ARHGEF11: variants seen among roughly 807,000 people sequenced by gnomAD.
The protein encoded by ARHGEF11 is Rho guanine nucleotide exchange factor 11.
ARHGEF11 carries 55 observed loss-of-function variants against 193.7 expected under a neutral mutation model. The ratio of observed to expected loss-of-function variants is 0.28; its 90% CI spans 0.23 to 0.36. ARHGEF11 has a LOEUF of 0.36. ARHGEF11 is among the 10% of genes least tolerant of loss of function. The probability of loss-of-function intolerance (pLI) is 1.00; values close to 1 mark genes in which losing one functional copy is unlikely to be tolerated. For missense variants in ARHGEF11, 1,723 were observed against 2,005.6 expected, an observed-to-expected ratio of 0.86 and a Z score of 2.69; for synonymous variants, 693 against 768.0, an observed-to-expected ratio of 0.90 and a Z score of 1.62.
chr1:156,999,592 C>T (rs971264530), intron 1 of ARHGEF11, among the ~76,000 whole-genome samples: 1 of 152,178 alleles, frequency 6.6e-6, no homozygotes, highest in Non-Finnish European at 1.5e-5. Context: ...AAACAACAGA[C>T]ACCATCACCA....
intron 1 of ARHGEF11, among the ~76,000 whole-genome samples, chr1:157,003,539 A>G (rs1006551259): frequency 6.6e-6 from 1 of 152,234 alleles, no homozygotes; most frequent in Non-Finnish European, 1.5e-5. Flanking sequence ...AACTATGAAA[A>G]TATGTTTCAT....
chr1:157,024,741 A>C (rs1296757202), intron 1 of ARHGEF11, among the ~76,000 whole-genome samples: 1 of 152,130 alleles, frequency 6.6e-6, no homozygotes, highest in Admixed American at 6.5e-5. Context: ...GGCAAAAAAA[A>C]AAAACAGAAA....
At position 156,984,381 on chromosome 1, in the gene ARHGEF11, C is replaced by T; in HGVS notation, c.181G>A (p.Val61Ile). 3.1e-6 allele frequency: 5 copies of T among 1,599,362 alleles called. No individual in the cohort carries two copies. Among genetic ancestry groups the T allele is most frequent in the Non-Finnish European group, 4.3e-6 (5 of 1,172,942 alleles). The change falls in exon 3 of 41, where the codon GTC (valine) becomes ATC (isoleucine). Residue 61 changes from valine (V) to isoleucine (I), a missense_variant. Physicochemically the swap from Val to Ile is conservative, Grantham distance 29 (BLOSUM62 3). This residue lies in a region of ARHGEF11 where 646 missense variants were observed against 710.7 expected (regional missense o/e 0.91). Coordinates refer to ENST00000368194, the MANE Select transcript of ARHGEF11 (RefSeq NM_198236.3). ...ACCAGAACAATGCGATCCCCACTGACTGTGAAGCCGAAGCCATGCTGGTCC... is the reference window on the plus strand; with the variant it reads ...ACCAGAACAATGCGATCCCCACTGATTGTGAAGCCGAAGCCATGCTGGTCC... ...QKDQHGFGFT[V>I]SGDRIVLVQS... is the part of the protein sequence containing the mutation.
chr1:156,961,881 C>T, intron 13 of ARHGEF11, 106 bp from the exon 14 acceptor site: 1 of 948,362 alleles, frequency 1.1e-6, no homozygotes, highest in Middle Eastern at 2.2e-4. Context: ...GTTGTTACAA[C>T]TACTGGGCAA....
In ARHGEF11 at chr1:156,951,743, G is replaced by A. The variant is rs778371353; in HGVS notation, c.1799-44C>T. ...TGAAGGACACTAGGCTTGCTGTTCA[G>A]GGATGGCTTCTCAGGCTTGGACTTC... On this transcript the variant is annotated intron_variant, in intron 21 of 40. Coordinates refer to ENST00000368194, the MANE Select transcript of ARHGEF11 (RefSeq NM_198236.3). 22 of 1,611,922 alleles carry A rather than the reference G, an allele frequency of 1.4e-5. No homozygotes were observed. The East Asian group carries it at 4.5e-4, about 33-fold the overall frequency.
At chr1:157,039,506 A>G (rs748271525) in intron 1 of ARHGEF11, among the ~76,000 whole-genome samples, 7 of 152,120 alleles carry the variant, frequency 4.6e-5, no homozygotes, top group Non-Finnish European at 8.8e-5. Flanking sequence ...ATGAAGTTAT[A>G]CTTTTTTCTT....
chr1:157,032,385 G>A (rs1211608667), intron 1 of ARHGEF11, among the ~76,000 whole-genome samples: 1 of 152,226 alleles, frequency 6.6e-6, no homozygotes, highest in African/African-American at 2.4e-5. Flanking sequence ...ATAAGGCAGT[G>A]GCTCTGGAAG....
rs889020742 is a variant in ARHGEF11, at chr1:156,938,343, G to A, written c.4192+75C>T. On this transcript the variant is annotated intron_variant, in intron 38 of 40. Transcript: ENST00000368194. Reference sequence around the variant, plus strand: ...GTGGGTGTGTGTGTGACCATGGGCAGGGGTCCGACTCTGCCCTCACAGGTT... The same window carrying A: ...GTGGGTGTGTGTGTGACCATGGGCAAGGGTCCGACTCTGCCCTCACAGGTT... The A allele has an allele frequency of 6.4e-6, 9 of 1,402,254 alleles. No individual in the cohort carries two copies. The African/African-American group carries it at 9.9e-5, about 15-fold the overall frequency. The allele number at this position is 1,402,254 out of a possible 1,614,324, so 86.9% of individuals were successfully genotyped here.
intron 1 of ARHGEF11, among the ~76,000 whole-genome samples, chr1:157,007,140 G>T (rs1667924294): frequency 6.6e-6 from 1 of 151,934 alleles, no homozygotes; most frequent in Non-Finnish European, 1.5e-5. Context: ...TGGAAAGGAG[G>T]AGAAAAAACA....
At chr1:157,035,138 C>T (rs879626249) in intron 1 of ARHGEF11, among the ~76,000 whole-genome samples, 2 of 152,134 alleles carry the variant, frequency 1.3e-5, no homozygotes, top group African/African-American at 2.4e-5. Context: ...GAAGGAAAGA[C>T]ATTGTGGGTT....
rs763866947 is a variant in ARHGEF11, at chr1:156,941,989, T to A, written c.3327A>T (p.Thr1109=). 11 of 1,614,028 alleles carry A rather than the reference T, an allele frequency of 6.8e-6. No homozygotes were observed. In the Admixed American group the frequency reaches 1.8e-4, roughly 27 times the overall value. Reference sequence around the variant, plus strand: ...CGGCCTCTTCTAAGAGCTCCATCCATCTGTTGCTCGGCAGGAACAGAGAGG... The same window carrying A: ...CGGCCTCTTCTAAGAGCTCCATCCAACTGTTGCTCGGCAGGAACAGAGAGG... The part of the protein sequence containing the change: ...LVALTSSDKN[T]WMELLEEAVR... The change falls in exon 34 of 41, where the codon ACA becomes ACT. Residue 1109 remains threonine, a splice_region_variant and synonymous_variant. Coordinates refer to ENST00000368194, the MANE Select transcript of ARHGEF11 (RefSeq NM_198236.3).
chr1:156,972,453 G>GT (rs1430830439), intron 7 of ARHGEF11, among the ~76,000 whole-genome samples: 14 of 152,262 alleles, frequency 9.2e-5, no homozygotes, highest in Non-Finnish European at 1.8e-4. Context: ...TGGGACGGGT[G>GT]TAATAGTGGA....
At position 157,008,523 on chromosome 1, in the gene ARHGEF11, C is replaced by T. The variant is rs146084266; in HGVS notation, c.33-22350G>A. ...AGAATGTGACCATGCTGGCACCTTG[C>T]TCTTAGATTTGTAGCCTCCAGAAAC... On this transcript the variant is annotated intron_variant, in intron 1 of 40. Coordinates refer to ENST00000368194, the MANE Select transcript of ARHGEF11 (RefSeq NM_198236.3). 3.9e-5 allele frequency among the ~76,000 whole-genome samples: 6 copies of T among 152,244 alleles called. No individual in the cohort carries two copies. In the East Asian group the frequency reaches 9.7e-4, roughly 25 times the overall value.
intron 22 of ARHGEF11, chr1:156,949,195 G>C (rs1400198101): frequency 1.3e-6 from 1 of 787,334 alleles, no homozygotes; most frequent in Non-Finnish European, 1.5e-6. Context: ...TTACTGATAG[G>C]CAGGACCCGC....
intron 31 of ARHGEF11, 112 bp from the exon 32 acceptor site, chr1:156,944,214 AC>A: frequency 7.0e-7 from 1 of 1,433,610 alleles, no homozygotes; most frequent in Non-Finnish European, 9.6e-7. Flanking sequence ...GAGTCTGGTG[AC>A]CCCATTTCTC....
At chr1:156,994,567 A>T (rs1049063719) in intron 1 of ARHGEF11, among the ~76,000 whole-genome samples, 1 of 152,086 alleles carries the variant, frequency 6.6e-6, no homozygotes, top group Non-Finnish European at 1.5e-5. Flanking sequence ...AGACAAAAAG[A>T]GATTTTAGGA....
At chr1:157,007,927 T>G (rs894459796) in intron 1 of ARHGEF11, among the ~76,000 whole-genome samples, 1 of 89,150 alleles carries the variant, frequency 1.1e-5, no homozygotes, top group Non-Finnish European at 2.5e-5. Context: ...TTTTTTTTTT[T>G]GTCTCTTTTG....
In ARHGEF11 at chr1:156,937,471, T is replaced by C; in HGVS notation, c.4218A>G (p.Pro1406=). The C allele has an allele frequency of 6.5e-7, 1 of 1,532,090 alleles. No homozygotes were observed. Among genetic ancestry groups the C allele is most frequent in the African/African-American group, 1.4e-5 (1 of 71,992 alleles). 94.9% of individuals were successfully genotyped at this position (1,532,090 alleles called of 1,614,324 possible). A position where few individuals can be genotyped will look rare whatever the true frequency, so the allele number is the denominator to read the frequency against. ...CGGTGCTTGAGTCCGGGGGTCCTGA[T>C]GGCATGCTGACATAAAAGCAGTTCC... The part of the protein sequence containing the change: ...ATGNCFYVSM[P]SGPPDSSTDH... The change falls in exon 39 of 41, where the codon CCA becomes CCG. Residue 1406 remains proline (P), a synonymous_variant. Transcript: ENST00000368194.
In ARHGEF11 at chr1:156,948,480, G is replaced by A. The variant is rs202161798; in HGVS notation, c.1944C>T (p.Arg648=). The A allele has an allele frequency of 1.2e-6, 2 of 1,614,214 alleles. No homozygotes were observed. Among genetic ancestry groups the A allele is most frequent in the East Asian group, 2.2e-5 (1 of 44,878 alleles). The change falls in exon 23 of 41, where the codon CGC becomes CGT. Residue 648 remains arginine, a synonymous_variant. Transcript: ENST00000368194. The surrounding 1 kb of genome is among the most constrained non-coding windows in gnomAD (Gnocchi z 4.2). Reference sequence around the variant, plus strand: ...CCTTGAGGCTTTCAGAGCGGCCCAGGCGAATCTCTGAGCGTGAACTGGGGG... The same window carrying A: ...CCTTGAGGCTTTCAGAGCGGCCCAGACGAATCTCTGAGCGTGAACTGGGGG... The part of the protein sequence containing the change: ...LESDSSRSEI[R]LGRSESLKGR...
Sources: allele counts gnomAD v4.1 joint callset (sites outside exome capture counted in the v4.1 genomes callset), GRCh38; gene constraint gnomAD v4.1.1; regional missense constraint gnomAD v4.1.1; non-coding constraint Gnocchi (gnomAD v3.1); transcripts MANE v1.5; gene names NCBI Gene and HGNC (gene_info 2026-07-23, HGNC 2026-07-21).